Variants in PLPP1 observed in about 807,000 individuals in gnomAD.
The protein encoded by PLPP1 is phospholipid phosphatase 1, also known as lipid phosphate phosphohydrolase 1a.
PLPP1 carries 24 observed loss-of-function variants against 31.2 expected under a neutral mutation model. The ratio of observed to expected loss-of-function variants is 0.77; its 90% CI spans 0.56 to 1.08. PLPP1 has a LOEUF of 1.08. Among genes scored for constraint, PLPP1 ranks in the 50% least tolerant of loss-of-function variants. The pLI is 0.00. For synonymous variants in PLPP1, 146 were observed against 126.3 expected (o/e 1.16, Z -1.05); for missense variants, 319 against 342.7 (o/e 0.93, Z 0.55).
intron 1 of PLPP1, among the ~76,000 whole-genome samples, chr5:55,497,673 C>G (rs1020301820): frequency 6.6e-6 from 1 of 152,122 alleles, no homozygotes; most frequent in African/African-American, 2.4e-5. Flanking sequence ...CAGCAGGAAA[C>G]AGATAGCACC....
At chr5:55,441,151 T>A (rs977502123) in intron 4 of PLPP1, among the ~76,000 whole-genome samples, 3 of 152,194 alleles carry the variant, frequency 2.0e-5, no homozygotes, top group African/African-American at 7.2e-5. Context: ...TGAAGCCTGG[T>A]CTTGCATTAG....
chr5:55,532,347 TA>T (rs1740699252), intron 1 of PLPP1, among the ~76,000 whole-genome samples: 1 of 152,120 alleles, frequency 6.6e-6, no homozygotes, highest in East Asian at 1.9e-4. Flanking sequence ...GAAAAAAATT[TA>T]TGTTGTTTTA....
chr5:55,450,020 G>C (rs778517564), intron 3 of PLPP1, among the ~76,000 whole-genome samples: 2 of 151,988 alleles, frequency 1.3e-5, no homozygotes, highest in Non-Finnish European at 2.9e-5. Context: ...CCTAGAAAGT[G>C]AGAAATTGTT....
chr5:55,468,401 C>T (rs1299933336), intron 2 of PLPP1: 3 of 343,764 alleles, frequency 8.7e-6, no homozygotes, highest in Non-Finnish European at 1.6e-5. Context: ...TCATCACTTA[C>T]CTAAAATAAC....
intron 1 of PLPP1, among the ~76,000 whole-genome samples, chr5:55,479,023 ATT>A (rs11352656): frequency 2.8e-3 from 379 of 133,036 alleles, no homozygotes; most frequent in South Asian, 6.2e-3. Context: ...AGCCTATGAG[ATT>A]TTTTTTTTTT....
chr5:55,469,513 A>T (rs897655250), intron 2 of PLPP1, among the ~76,000 whole-genome samples: 10 of 4,702 alleles, frequency 2.1e-3, no homozygotes, highest in East Asian at 0.011. Context: ...ATAAAAATTA[A>T]AAAAAAAAAA....
intron 3 of PLPP1, among the ~76,000 whole-genome samples, chr5:55,445,567 C>T (rs1640688047): frequency 1.9e-5 from 2 of 106,694 alleles, no homozygotes; most frequent in South Asian, 3.1e-4. Context: ...TTTTTTGAGA[C>T]AGAGTCTCAC....
chr5:55,521,504 G>A (rs1483062374), intron 1 of PLPP1, among the ~76,000 whole-genome samples: 1 of 151,608 alleles, frequency 6.6e-6, no homozygotes, highest in East Asian at 1.9e-4. Context: ...GCAACAGAGC[G>A]AGACTCTGTC....
chr5:55,431,126 G>A (rs1579916341), intron 4 of PLPP1, among the ~76,000 whole-genome samples: 1 of 152,068 alleles, frequency 6.6e-6, no homozygotes, highest in Non-Finnish European at 1.5e-5. Context: ...AAATAAAAGG[G>A]ATAGAAAACC....
intron 1 of PLPP1, among the ~76,000 whole-genome samples, chr5:55,522,432 G>A (rs534019250): frequency 2.8e-4 from 42 of 152,228 alleles, no homozygotes; most frequent in African/African-American, 9.9e-4. Flanking sequence ...GTCTCGCTCT[G>A]TTGCCCAGGC....
chr5:55,496,313 T>C (rs1479201457), intron 1 of PLPP1, among the ~76,000 whole-genome samples: 1 of 152,216 alleles, frequency 6.6e-6, no homozygotes, highest in Admixed American at 6.5e-5. Flanking sequence ...TTGACCCTAA[T>C]CATAGTTCTA....
At chr5:55,494,664 C>T (rs1752966997) in intron 1 of PLPP1, among the ~76,000 whole-genome samples, 1 of 152,166 alleles carries the variant, frequency 6.6e-6, no homozygotes, top group Non-Finnish European at 1.5e-5. Context: ...CTCATTTCTC[C>T]TTCAAGTCCA....
intron 2 of PLPP1, among the ~76,000 whole-genome samples, chr5:55,468,681 T>C (rs537585053): frequency 6.6e-6 from 1 of 152,178 alleles, no homozygotes; most frequent in African/African-American, 2.4e-5. Context: ...TGGGTGCCTG[T>C]AATCCCAGCT....
chr5:55,489,018 AC>A lies in PLPP1; in HGVS notation c.59-13569del, dbSNP rs535514690. Among the ~76,000 whole-genome samples the A allele has an allele frequency of 1.3e-3, 198 of 151,854 alleles. 6 individuals carry two copies. The South Asian group carries it at 0.04, about 31-fold the overall frequency. On this transcript the variant is annotated intron_variant, in intron 1 of 5. Transcript: ENST00000307259. ...AGACCTGCCTGGCCAACATGAAGAA[AC>A]CCCATCTCTACTAAAAAAAAATACA... is the stretch of plus-strand genomic sequence containing the variant.
At chr5:55,491,762 G>A (rs2111854425) in intron 1 of PLPP1, among the ~76,000 whole-genome samples, 1 of 149,648 alleles carries the variant, frequency 6.7e-6, no homozygotes, top group African/African-American at 2.5e-5. Context: ...GCAGACTGAA[G>A]CAGGAGAATC....
At chr5:55,468,211 A>C in intron 2 of PLPP1, 62 bp from the exon 3 acceptor site, 1 of 1,392,994 alleles carries the variant, frequency 7.2e-7, no homozygotes, top group Non-Finnish European at 9.7e-7. Context: ...AACAAAACAA[A>C]ACATAGGGGG....
intron 3 of PLPP1, among the ~76,000 whole-genome samples, chr5:55,466,463 G>C (rs569836965): frequency 1.6e-4 from 25 of 152,154 alleles, no homozygotes; most frequent in Non-Finnish European, 3.4e-4. Flanking sequence ...AGCACTCTGG[G>C]AACCTGAGGC....
chr5:55,531,328 A>C (rs961207983), intron 1 of PLPP1, among the ~76,000 whole-genome samples: 5 of 152,232 alleles, frequency 3.3e-5, no homozygotes, highest in Non-Finnish European at 7.3e-5. Context: ...CTGATGATAA[A>C]GATGACATAC....
intron 1 of PLPP1, among the ~76,000 whole-genome samples, chr5:55,488,677 C>T (rs1466020353): frequency 6.6e-6 from 1 of 151,960 alleles, no homozygotes; most frequent in Admixed American, 6.6e-5. Context: ...AAACAAACAA[C>T]AACAACAACA....
Sources: gnomAD v4.1 joint callset for allele counts (sites outside exome capture counted in the v4.1 genomes callset) on GRCh38, gnomAD v4.1.1 for gene constraint, MANE v1.5 for transcripts, NCBI Gene and HGNC (gene_info 2026-07-23, HGNC 2026-07-21) for gene names.